CPAP: variants seen among roughly 807,000 people sequenced by gnomAD.
CPAP encodes centrosome assembly and centriole elongation protein, also known as centrosomal P4.1-associated protein.
the CPAP span, among the ~76,000 whole-genome samples, chr13:24,903,316 G>C: frequency 6.6e-6 from 1 of 152,180 alleles, no homozygotes; most frequent in Non-Finnish European, 1.5e-5. Flanking sequence ...CGTTATACTG[G>C]AGTAGGGTGG....
chr13:24,907,961 T>C, the CPAP span: 1 of 1,215,504 alleles, frequency 8.2e-7, no homozygotes, highest in Non-Finnish European at 1.2e-6. Flanking sequence ...TGTTCAATAA[T>C]AAAGGCTAGC....
At chr13:24,906,434 C>T in the CPAP span, 35 of 1,613,684 alleles carry the variant, frequency 2.2e-5, no homozygotes, top group Admixed American at 6.7e-5. Context: ...AGCAGCCAGC[C>T]GGCTGGCCGG....
chr13:24,930,690 C>A, the CPAP span, among the ~76,000 whole-genome samples: 2 of 152,308 alleles, frequency 1.3e-5, no homozygotes, highest in South Asian at 4.1e-4. Context: ...ATATGTACCA[C>A]ATTTTCTTTA....
chr13:24,891,171 C>T, the CPAP span, among the ~76,000 whole-genome samples: 1 of 152,036 alleles, frequency 6.6e-6, no homozygotes, highest in Admixed American at 6.5e-5. Flanking sequence ...ACTGCCACAC[C>T]TGACACAGGT....
At chr13:24,923,153 G>A in the CPAP span, among the ~76,000 whole-genome samples, 1 of 152,170 alleles carries the variant, frequency 6.6e-6, no homozygotes, top group Admixed American at 6.5e-5. Context: ...ACGGAGCGAT[G>A]GATCTCCGTG....
At chr13:24,883,947 C>T in the CPAP span, 9 of 1,614,048 alleles carry the variant, frequency 5.6e-6, no homozygotes, top group Non-Finnish European at 7.6e-6. Flanking sequence ...TTTCTGTGAA[C>T]ATAATGTTGC....
chr13:24,886,372 C>T, the CPAP span: 23 of 1,289,112 alleles, frequency 1.8e-5, no homozygotes, highest in African/African-American at 9.1e-5. Flanking sequence ...GCGTGTGAGG[C>T]GGCTGTGCTG....
At chr13:24,894,631 T>C in the CPAP span, among the ~76,000 whole-genome samples, 3 of 152,172 alleles carry the variant, frequency 2.0e-5, no homozygotes, top group East Asian at 3.9e-4. Flanking sequence ...GATAGGGCTG[T>C]GGGGTTGAGT....
At chr13:24,912,529 TA>T in the CPAP span, 1 of 1,455,364 alleles carries the variant, frequency 6.9e-7, no homozygotes, top group Non-Finnish European at 9.6e-7. Context: ...CTTTATTACA[TA>T]AACAGAAACC....
chr13:24,929,168 T>A, the CPAP span, among the ~76,000 whole-genome samples: 3 of 151,998 alleles, frequency 2.0e-5, no homozygotes. Context: ...GGCTCAAGTG[T>A]TCCTCCTGCC....
the CPAP span, among the ~76,000 whole-genome samples, chr13:24,890,525 T>C: frequency 6.6e-6 from 1 of 152,304 alleles, no homozygotes; most frequent in Admixed American, 6.5e-5. Flanking sequence ...GGCACTCTTG[T>C]CACACACACT....
chr13:24,883,859 TG>T, the CPAP span: 2 of 1,269,948 alleles, frequency 1.6e-6, no homozygotes, highest in East Asian at 2.3e-5. Context: ...CCCCCTAATA[TG>T]GGTGTCACAT....
At chr13:24,923,708 A>G in the CPAP span, among the ~76,000 whole-genome samples, 1 of 152,228 alleles carries the variant, frequency 6.6e-6, no homozygotes, top group Non-Finnish European at 1.5e-5. Context: ...ACTGCTAAAG[A>G]CAAAACTATT....
At chr13:24,891,234 G>A in the CPAP span, among the ~76,000 whole-genome samples, 4 of 151,804 alleles carry the variant, frequency 2.6e-5, no homozygotes, top group South Asian at 2.1e-4. Flanking sequence ...GACACCACAC[G>A]GACTCCTGGC....
At chr13:24,894,754 G>A in the CPAP span, among the ~76,000 whole-genome samples, 1 of 152,142 alleles carries the variant, frequency 6.6e-6, no homozygotes, top group African/African-American at 2.4e-5. Context: ...GCGGGACACG[G>A]GGATGGAGTG....
chr13:24,932,914 C>G, the CPAP span: 2 of 799,572 alleles, frequency 2.5e-6, no homozygotes, highest in African/African-American at 1.8e-5. Context: ...AAGGTAATGC[C>G]TAATTTTTCC....
the CPAP span, among the ~76,000 whole-genome samples, chr13:24,900,661 G>A: frequency 6.6e-6 from 1 of 152,070 alleles, no homozygotes; most frequent in East Asian, 1.9e-4. Context: ...AGAGGAAGGA[G>A]GCCTTGATCA....
At chr13:24,897,390 G>A in the CPAP span, among the ~76,000 whole-genome samples, 1 of 152,176 alleles carries the variant, frequency 6.6e-6, no homozygotes, top group Admixed American at 6.5e-5. Context: ...CATGAGGACA[G>A]GGATTGATTT....
the CPAP span, chr13:24,889,398 G>GT: frequency 6.3e-7 from 1 of 1,593,202 alleles, no homozygotes; most frequent in Non-Finnish European, 8.6e-7. Flanking sequence ...GAACAGATGT[G>GT]TTCTATAGTA....
Sources: gnomAD v4.1 joint callset for allele counts (sites outside exome capture counted in the v4.1 genomes callset) on GRCh38, gnomAD v4.1.1 for gene constraint, MANE v1.5 for transcripts, NCBI Gene and HGNC (gene_info 2026-07-23, HGNC 2026-07-21) for gene names.